ZC3HAV1L: variants seen among roughly 807,000 people sequenced by gnomAD.
ZC3HAV1L encodes the protein zinc finger CCCH-type antiviral protein 1-like.
In ZC3HAV1L, 23 loss-of-function variants were observed where a neutral mutation model predicts 28.2. That is an observed-to-expected ratio of 0.82 (90% CI 0.59 to 1.16). ZC3HAV1L has a LOEUF of 1.16. Among genes scored for constraint, ZC3HAV1L ranks in the 50% most tolerant of loss-of-function variants. The probability of loss-of-function intolerance (pLI) is 0.00; values close to 1 mark genes in which losing one functional copy is unlikely to be tolerated. For synonymous variants in ZC3HAV1L, 180 were observed against 163.4 expected, an observed-to-expected ratio of 1.10 and a Z score of -0.78; for missense variants, 376 against 387.7, an observed-to-expected ratio of 0.97 and a Z score of 0.25.
chr7:139,034,811 T>C (rs1229694629), intron 1 of ZC3HAV1L, 133 bp from the exon 2 acceptor site: 1 of 1,439,184 alleles, frequency 6.9e-7, no homozygotes, highest in Non-Finnish European at 9.1e-7. Context: ...GGGGATAGTA[T>C]GGCCTAATAA....
At chr7:139,032,707 A>G (rs919682563) in intron 2 of ZC3HAV1L, among the ~76,000 whole-genome samples, 6 of 151,592 alleles carry the variant, frequency 4.0e-5, no homozygotes, top group Admixed American at 2.6e-4. Context: ...AAAAAATAAC[A>G]TACTGTATAC....
At position 139,035,829 on chromosome 7, in the gene ZC3HAV1L, C is replaced by G. The variant is rs1166526311; in HGVS notation, c.189G>C (p.Ala63=). The change falls in exon 1 of 5, where the codon GCG becomes GCC. Residue 63 remains alanine, a synonymous_variant. Transcript: ENST00000275766. The part of the protein sequence containing the change: ...EVETQEGLGD[A]EAEAAAGAVG... The stretch of plus-strand genomic sequence containing the variant: ...CCGCGCCGGCCGCCGCCTCGGCCTC[C>G]GCGTCCCCGAGGCCCTCCTGCGTCT... 2 of 1,485,856 alleles carry G rather than the reference C, an allele frequency of 1.3e-6. No homozygotes were observed. The highest frequency in any genetic ancestry group is 1.3e-5 in the South Asian group (1 of 77,956). 92.0% of individuals were successfully genotyped at this position (1,485,856 alleles called of 1,614,324 possible). A position where few individuals can be genotyped will look rare whatever the true frequency, so the allele number is the denominator to read the frequency against.
chr7:139,026,503 T>C lies in ZC3HAV1L; in HGVS notation c.*41A>G, dbSNP rs556361392. 1 of 1,612,494 alleles carries C rather than the reference T, an allele frequency of 6.2e-7. No individual in the cohort carries two copies. Among genetic ancestry groups the C allele is most frequent in the East Asian group, 2.2e-5 (1 of 44,876 alleles). ...CCATCCCCAACCACCCATGCCCAAA[T>C]GTATTCTTCCAAAAGGACATTTTCT... On this transcript the variant is annotated 3_prime_UTR_variant, in exon 5 of 5. Coordinates refer to ENST00000275766, the MANE Select transcript of ZC3HAV1L (RefSeq NM_080660.4).
At chr7:139,028,065 C>A (rs1815406943) in intron 3 of ZC3HAV1L, among the ~76,000 whole-genome samples, 1 of 152,044 alleles carries the variant, frequency 6.6e-6, no homozygotes, top group African/African-American at 2.4e-5. Context: ...CCTCTTTTTC[C>A]TAACTATGCC....
chr7:139,029,100 T>G, intron 2 of ZC3HAV1L, 140 bp from the exon 3 acceptor site: 3 of 979,814 alleles, frequency 3.1e-6, no homozygotes. Context: ...TCTCCCGCGT[T>G]CAAGCAATTC....
chr7:139,025,278 G>A (rs1395660217), downstream of ZC3HAV1L, among the ~76,000 whole-genome samples: 14 of 151,948 alleles, frequency 9.2e-5, no homozygotes, highest in Admixed American at 3.9e-4. Context: ...GTGAAACCCC[G>A]TCTCTACTAA....
chr7:139,033,157 C>A (rs554020338), intron 2 of ZC3HAV1L, among the ~76,000 whole-genome samples: 2 of 150,924 alleles, frequency 1.3e-5, no homozygotes, highest in Admixed American at 6.6e-5. Context: ...TACAGTGAGC[C>A]GAGGTACTTC....
intron 3 of ZC3HAV1L, 65 bp downstream of exon 3, chr7:139,028,637 C>A: frequency 1.3e-6 from 2 of 1,553,754 alleles, no homozygotes; most frequent in Non-Finnish European, 8.7e-7. Flanking sequence ...GTTCTTACTT[C>A]TTCACAGTGA....
intron 3 of ZC3HAV1L, among the ~76,000 whole-genome samples, chr7:139,028,114 C>T (rs1350847515): frequency 6.6e-6 from 1 of 152,122 alleles, no homozygotes; most frequent in Non-Finnish European, 1.5e-5. Flanking sequence ...GTGGCTCATG[C>T]CTGAAATCCC....
chr7:139,035,880 G>C lies in ZC3HAV1L; in HGVS notation c.138C>G (p.Pro46=), dbSNP rs1254796450. Residue 46 remains proline (P), a synonymous_variant, in exon 1 of 5, where the codon CCC becomes CCG. Coordinates refer to ENST00000275766, the MANE Select transcript of ZC3HAV1L (RefSeq NM_080660.4). Reference sequence around the variant, plus strand: ...CCACCTCCTGCAGCAGGAAACGCTCGGGCCCGGCGCGCTGCAGCACGTCCC... The same window carrying C: ...CCACCTCCTGCAGCAGGAAACGCTCCGGCCCGGCGCGCTGCAGCACGTCCC... ...RLRDVLQRAG[P]ERFLLQEVET... The C allele has an allele frequency of 1.3e-6, 2 of 1,511,606 alleles. No individual in the cohort carries two copies. The highest frequency in any genetic ancestry group is 8.8e-7 in the Non-Finnish European group (1 of 1,137,800). The allele number at this position is 1,511,606 out of a possible 1,614,324, so 93.6% of individuals were successfully genotyped here.
chr7:139,032,878 A>G (rs1351825570), intron 2 of ZC3HAV1L, among the ~76,000 whole-genome samples: 1 of 152,050 alleles, frequency 6.6e-6, no homozygotes, highest in Non-Finnish European at 1.5e-5. Flanking sequence ...CTACACTTCA[A>G]TAAAGACAAA....
chr7:139,033,231 T>C (rs1815589917), intron 2 of ZC3HAV1L, among the ~76,000 whole-genome samples: 1 of 152,150 alleles, frequency 6.6e-6, no homozygotes, highest in Admixed American at 6.5e-5. Flanking sequence ...TCTGATGTTT[T>C]CTTGTGCAAG....
chr7:139,035,748 G>A lies in ZC3HAV1L; in HGVS notation c.270C>T (p.Leu90=), dbSNP rs1197588928. ...WRVVAVSSVR[L]CARYQRGECQ... is the part of the protein sequence containing the mutation. ...ACTCGCCGCGCTGGTAGCGGGCGCAGAGGCGCACAGAGGACACGGCCACCA... is the reference window on the plus strand; with the variant it reads ...ACTCGCCGCGCTGGTAGCGGGCGCAAAGGCGCACAGAGGACACGGCCACCA... Residue 90 remains leucine (L), a synonymous_variant, in exon 1 of 5, where the codon CTC becomes CTT. Coordinates refer to ENST00000275766, the MANE Select transcript of ZC3HAV1L (RefSeq NM_080660.4). 33 of 1,492,320 alleles carry A rather than the reference G, an allele frequency of 2.2e-5. No individual in the cohort carries two copies. The highest frequency in any genetic ancestry group is 2.7e-5 in the Non-Finnish European group (31 of 1,129,816). The allele number at this position is 1,492,320 out of a possible 1,614,324, so 92.4% of individuals were successfully genotyped here.
At chr7:139,022,492 G>C, downstream of ZC3HAV1L, 1 of 348,806 alleles carries the variant, frequency 2.9e-6, no homozygotes, top group South Asian at 2.3e-5. Context: ...GCTGCAGGGA[G>C]CTGTAATTGT....
chr7:139,023,182 GAAAAAAAAA>G (rs565321825), downstream of ZC3HAV1L, among the ~76,000 whole-genome samples: 3 of 103,122 alleles, frequency 2.9e-5, no homozygotes, highest in African/African-American at 1.1e-4. Flanking sequence ...AAGGAAAAAA[GAAAAAAAAA>G]AAAAAAAAAA....
rs369571073 is a variant in ZC3HAV1L, at chr7:139,028,947, T to C, written c.515A>G (p.Tyr172Cys). The change falls in exon 3 of 5, where the codon TAC (tyrosine) becomes TGC (cysteine). Residue 172 changes from tyrosine to cysteine, a missense_variant. Tyr to Cys is a radical substitution (Grantham distance 194). Transcript: ENST00000275766. The part of the protein sequence containing the change: ...PCLLPEVCLL[Y>C]NKGEALYGYC... ...GCCATACAGGGCTTCCCCTTTGTTGTAGAGCAAACAGACCTGGTACAGAAA... is the reference window on the plus strand; with the variant it reads ...GCCATACAGGGCTTCCCCTTTGTTGCAGAGCAAACAGACCTGGTACAGAAA... 1.4e-5 allele frequency: 22 copies of C among 1,613,566 alleles called. No homozygotes were observed. Among genetic ancestry groups the C allele is most frequent in the Non-Finnish European group, 1.8e-5 (21 of 1,179,646 alleles).
At chr7:139,024,565 C>T (rs1170051724), downstream of ZC3HAV1L, among the ~76,000 whole-genome samples, 1 of 151,864 alleles carries the variant, frequency 6.6e-6, no homozygotes, top group African/African-American at 2.4e-5. Flanking sequence ...AAAAAAGAAA[C>T]AAAATATGCA....
intron 3 of ZC3HAV1L, among the ~76,000 whole-genome samples, chr7:139,027,320 G>C (rs903461867): frequency 1.6e-4 from 24 of 152,152 alleles, no homozygotes; most frequent in African/African-American, 5.8e-4. Context: ...AAATGTAACA[G>C]AATAAGTAAC....
At chr7:139,026,854 A>C in intron 3 of ZC3HAV1L, 21 bp from the exon 4 acceptor site, 4 of 1,597,680 alleles carry the variant, frequency 2.5e-6, no homozygotes, top group Non-Finnish European at 3.4e-6. Flanking sequence ...GAAAGGGATA[A>C]GTTTTCCTAC....
Sources: gnomAD v4.1 joint callset for allele counts (sites outside exome capture counted in the v4.1 genomes callset) on GRCh38, gnomAD v4.1.1 for gene constraint, MANE v1.5 for transcripts, NCBI Gene and HGNC (gene_info 2026-07-23, HGNC 2026-07-21) for gene names.